Variants in ARHGAP15 observed in about 807,000 individuals in gnomAD.
The protein encoded by ARHGAP15 is Rho GTPase activating protein 15, also known as rho GTPase-activating protein 15.
ARHGAP15 carries 51 observed loss-of-function variants against 63.7 expected under a neutral mutation model. That is an observed-to-expected ratio of 0.80 (90% CI 0.64 to 1.01). The LOEUF is 1.01. Among genes scored for constraint, ARHGAP15 ranks in the 50% least tolerant of loss-of-function variants. The pLI is 0.00. For synonymous variants in ARHGAP15, 191 were observed against 193.8 expected, an observed-to-expected ratio of 0.99 and a Z score of 0.12; for missense variants, 560 against 564.6, an observed-to-expected ratio of 0.99 and a Z score of 0.08.
At chr2:143,287,142 T>C (rs560253189) in intron 6 of ARHGAP15, among the ~76,000 whole-genome samples, 15 of 152,296 alleles carry the variant, frequency 9.8e-5, no homozygotes, top group African/African-American at 2.9e-4. Flanking sequence ...CGTAAACTTA[T>C]TCCATATATA....
intron 11 of ARHGAP15, among the ~76,000 whole-genome samples, chr2:143,561,377 C>T (rs976381005): frequency 6.6e-6 from 1 of 152,180 alleles, no homozygotes; most frequent in African/African-American, 2.4e-5. Flanking sequence ...AGCTATGAAG[C>T]ATTGCCGGAA....
chr2:143,313,926 C>G (rs185936536), intron 6 of ARHGAP15, among the ~76,000 whole-genome samples: 1 of 148,886 alleles, frequency 6.7e-6, no homozygotes, highest in Admixed American at 6.7e-5. Flanking sequence ...CATTTTTATT[C>G]TGCGAGACTT....
intron 4 of ARHGAP15, 27 bp downstream of exon 4, chr2:143,216,472 A>T: frequency 6.6e-7 from 1 of 1,505,994 alleles, no homozygotes; most frequent in Non-Finnish European, 9.2e-7. Context: ...ATTCACTTTT[A>T]TATAACTATG....
intron 11 of ARHGAP15, among the ~76,000 whole-genome samples, chr2:143,614,048 C>A (rs1243435156): frequency 1.3e-5 from 2 of 152,172 alleles, no homozygotes; most frequent in African/African-American, 4.8e-5. Flanking sequence ...CCAAATGCAT[C>A]ATGTTCTTCA....
intron 8 of ARHGAP15, among the ~76,000 whole-genome samples, chr2:143,480,460 T>C (rs1574507330): frequency 6.6e-6 from 1 of 152,228 alleles, no homozygotes; most frequent in Non-Finnish European, 1.5e-5. Context: ...CCTTCTGTTA[T>C]GAATCTAATT....
chr2:143,265,992 G>A (rs1680971633), intron 6 of ARHGAP15, among the ~76,000 whole-genome samples: 1 of 151,830 alleles, frequency 6.6e-6, no homozygotes, highest in Admixed American at 6.6e-5. Context: ...GAAAAACAGG[G>A]GGTAAAATTA....
chr2:143,710,253 G>A (rs576328399), intron 13 of ARHGAP15, among the ~76,000 whole-genome samples: 9 of 152,066 alleles, frequency 5.9e-5, no homozygotes, highest in Non-Finnish European at 1.0e-4. Context: ...TATTTGAAAT[G>A]GCACCCTGAT....
chr2:143,397,154 G>C (rs547793514), intron 6 of ARHGAP15, among the ~76,000 whole-genome samples: 1 of 152,110 alleles, frequency 6.6e-6, no homozygotes, highest in Non-Finnish European at 1.5e-5. Flanking sequence ...TTCATGGCAA[G>C]AGAATACAAC....
chr2:143,278,993 A>G (rs918211838), intron 6 of ARHGAP15, among the ~76,000 whole-genome samples: 1 of 152,034 alleles, frequency 6.6e-6, no homozygotes, highest in Non-Finnish European at 1.5e-5. Context: ...TTAAGTACAA[A>G]TGCTGCCTCC....
At chr2:143,210,947 T>C (rs1474908217) in intron 3 of ARHGAP15, among the ~76,000 whole-genome samples, 1 of 151,426 alleles carries the variant, frequency 6.6e-6, no homozygotes, top group African/African-American at 2.4e-5. Flanking sequence ...AAAAACATCA[T>C]ACTGAATCTA....
chr2:143,310,352 T>C (rs1283201361), intron 6 of ARHGAP15, among the ~76,000 whole-genome samples: 1 of 152,070 alleles, frequency 6.6e-6, no homozygotes, highest in Non-Finnish European at 1.5e-5. Context: ...GATTGTATTA[T>C]ATCGGTATGT....
chr2:143,451,123 A>G (rs1690387283), intron 8 of ARHGAP15, among the ~76,000 whole-genome samples: 2 of 151,934 alleles, frequency 1.3e-5, no homozygotes, highest in Admixed American at 1.3e-4. Flanking sequence ...AAGATTAGTT[A>G]ACGAAAATGC....
At chr2:143,454,868 C>G (rs999827936) in intron 8 of ARHGAP15, among the ~76,000 whole-genome samples, 1 of 152,086 alleles carries the variant, frequency 6.6e-6, no homozygotes, top group Non-Finnish European at 1.5e-5. Flanking sequence ...AGCAAGAACT[C>G]AGTTCACACA....
At chr2:143,701,901 G>T (rs1214225558) in intron 12 of ARHGAP15, among the ~76,000 whole-genome samples, 2 of 152,150 alleles carry the variant, frequency 1.3e-5, no homozygotes, top group Non-Finnish European at 2.9e-5. Flanking sequence ...AAGGAGGAAA[G>T]GTACACAGGC....
chr2:143,134,739 A>T (rs779105546), intron 1 of ARHGAP15, among the ~76,000 whole-genome samples: 1 of 148,646 alleles, frequency 6.7e-6, no homozygotes, highest in East Asian at 2.0e-4. Flanking sequence ...GGTTCATGCC[A>T]GTCTCCTGCC....
intron 6 of ARHGAP15, among the ~76,000 whole-genome samples, chr2:143,292,108 C>T (rs1295985127): frequency 5.6e-5 from 1 of 17,768 alleles, no homozygotes; most frequent in East Asian, 5.1e-4. Context: ...TAATAGTGGG[C>T]TTTTCTGTAT....
intron 11 of ARHGAP15, among the ~76,000 whole-genome samples, chr2:143,597,549 G>A (rs1249498876): frequency 6.6e-6 from 1 of 151,972 alleles, no homozygotes; most frequent in Non-Finnish European, 1.5e-5. Flanking sequence ...CCCTCCTATT[G>A]TTCCCTTCTC....
At chr2:143,576,937 C>T (rs1696702594) in intron 11 of ARHGAP15, among the ~76,000 whole-genome samples, 1 of 152,082 alleles carries the variant, frequency 6.6e-6, no homozygotes, top group Non-Finnish European at 1.5e-5. Context: ...TAGCTGATGA[C>T]CATATAGACT....
chr2:143,261,027 C>T (rs1680688841), intron 6 of ARHGAP15, among the ~76,000 whole-genome samples: 1 of 152,128 alleles, frequency 6.6e-6, no homozygotes, highest in Non-Finnish European at 1.5e-5. Context: ...GTGGTGGTTT[C>T]TAATGGCTCC....
Sources: gnomAD v4.1 joint callset for allele counts (sites outside exome capture counted in the v4.1 genomes callset) on GRCh38, gnomAD v4.1.1 for gene constraint, MANE v1.5 for transcripts, NCBI Gene and HGNC (gene_info 2026-07-23, HGNC 2026-07-21) for gene names.